Variants in PECR observed in about 807,000 individuals in gnomAD.
PECR encodes the protein 2,4-dienoyl-CoA reductase-related protein.
A neutral mutation model predicts 35.3 loss-of-function variants in PECR; 30 were observed. The observed-to-expected ratio is 0.85, with a 90% CI of 0.64 to 1.15. The LOEUF is 1.15. PECR is among the 50% of genes most tolerant of loss of function. The probability of loss-of-function intolerance (pLI) is 0.00; values close to 1 mark genes in which losing one functional copy is unlikely to be tolerated. For missense variants in PECR, 392 were observed against 370.8 expected, an observed-to-expected ratio of 1.06 and a Z score of -0.47; for synonymous variants, 148 against 138.9, an observed-to-expected ratio of 1.07 and a Z score of -0.46.
intron 7 of PECR, among the ~76,000 whole-genome samples, chr2:216,040,136 G>C (rs1440785843): frequency 6.6e-6 from 1 of 151,996 alleles, no homozygotes; most frequent in Non-Finnish European, 1.5e-5. Context: ...ACTTGTCCTT[G>C]ATGAGATCAG....
intron 1 of PECR, among the ~76,000 whole-genome samples, chr2:216,067,950 C>T (rs1559217082): frequency 6.6e-6 from 1 of 151,928 alleles, no homozygotes; most frequent in Non-Finnish European, 1.5e-5. Flanking sequence ...AGACCCAGGC[C>T]GGACGCAGTG....
In PECR at chr2:216,071,687, A is replaced by G. The variant is rs752135150; in HGVS notation, c.125-5169T>C. Reference sequence around the variant, plus strand: ...CCACTACTGGAATTTCCTCTTCACAATCAAAATCAACAACTCCTGGGGCTA... The same window carrying G: ...CCACTACTGGAATTTCCTCTTCACAGTCAAAATCAACAACTCCTGGGGCTA... On this transcript the variant is annotated intron_variant, in intron 1 of 7. Coordinates refer to ENST00000265322, the MANE Select transcript of PECR (RefSeq NM_018441.6). Among the ~76,000 whole-genome samples, 58 of 152,322 alleles carry G rather than the reference A, an allele frequency of 3.8e-4. 1 individual carries two copies. Among genetic ancestry groups the G allele is most frequent in the Non-Finnish European group, 7.5e-4 (51 of 68,026 alleles).
chr2:216,062,096 A>G (rs1695367021), intron 3 of PECR, among the ~76,000 whole-genome samples: 1 of 146,772 alleles, frequency 6.8e-6, no homozygotes, highest in South Asian at 2.2e-4. Flanking sequence ...TCTGTCACCC[A>G]GCCTGGAGGC....
At position 216,059,089 on chromosome 2, in the gene PECR, C is replaced by T. The variant is rs115724346; in HGVS notation, c.425-113G>A. ...ATGTTTTACACGTCCATTTACATTTCCTTATAAAAAGCCTGACTGAGGTAA... is the reference window on the plus strand; with the variant it reads ...ATGTTTTACACGTCCATTTACATTTTCTTATAAAAAGCCTGACTGAGGTAA... On this transcript the variant is annotated intron_variant, in intron 3 of 7. Transcript: ENST00000265322. 5.5e-5 allele frequency: 40 copies of T among 731,860 alleles called. No individual in the cohort carries two copies. In the African/African-American group the frequency reaches 6.5e-4, roughly 12 times the overall value. 45.3% of individuals were successfully genotyped at this position (731,860 alleles called of 1,614,324 possible). A position where few individuals can be genotyped will look rare whatever the true frequency, so the allele number is the denominator to read the frequency against.
At chr2:216,049,127 C>A in intron 6 of PECR, 136 bp downstream of exon 6, 2 of 730,482 alleles carry the variant, frequency 2.7e-6, no homozygotes, top group Non-Finnish European at 2.6e-6. Context: ...TCCCTGACAG[C>A]CAGAAAGAAC....
rs187234107 is a variant in PECR, at chr2:216,048,326, C to T, written c.714+937G>A. Among the ~76,000 whole-genome samples the T allele has an allele frequency of 4.5e-3, 679 of 150,354 alleles. 5 individuals carry two copies. The highest frequency in any genetic ancestry group is 0.023 in the Admixed American group (340 of 15,032). ...TTCTGAACTCGTGATCCGCCTGCCT[C>T]GGCCTCCCAAAGTGCTGGGATTACA... On this transcript the variant is annotated intron_variant, in intron 6 of 7. Transcript: ENST00000265322.
At chr2:216,062,036 T>C (rs1695365568) in intron 3 of PECR, among the ~76,000 whole-genome samples, 2 of 151,540 alleles carry the variant, frequency 1.3e-5, no homozygotes, top group African/African-American at 4.8e-5. Flanking sequence ...TAAATGGGAA[T>C]GTTAGTGCGT....
intron 1 of PECR, among the ~76,000 whole-genome samples, chr2:216,077,742 G>A (rs558337120): frequency 3.3e-4 from 50 of 151,070 alleles, no homozygotes; most frequent in Non-Finnish European, 5.0e-4. Flanking sequence ...GGGAGGCAGA[G>A]GTTGCAGTGA....
chr2:216,049,955 T>C (rs939065657), intron 5 of PECR, among the ~76,000 whole-genome samples: 2 of 152,160 alleles, frequency 1.3e-5, no homozygotes, highest in South Asian at 2.1e-4. Flanking sequence ...CAGTGGCTCA[T>C]GCCTGTAATC....
chr2:216,051,302 A>C (rs1357093305), intron 5 of PECR, 147 bp downstream of exon 5: 1 of 564,242 alleles, frequency 1.8e-6, no homozygotes, highest in Admixed American at 3.3e-5. Context: ...AAAAAAAAAA[A>C]AGAAAATTAG....
intron 1 of PECR, among the ~76,000 whole-genome samples, chr2:216,078,460 G>C (rs375835879): frequency 6.6e-6 from 1 of 151,854 alleles, no homozygotes; most frequent in African/African-American, 2.4e-5. Context: ...GTAAAACCCC[G>C]TCTCTATTAA....
chr2:216,043,165 T>C (rs961682770), intron 7 of PECR, among the ~76,000 whole-genome samples: 1 of 151,062 alleles, frequency 6.6e-6, no homozygotes, highest in African/African-American at 2.4e-5. Flanking sequence ...TAGAGTGCAG[T>C]GGCACAATCT....
At chr2:216,046,310 A>ATATATATT (rs1553560626) in intron 6 of PECR, among the ~76,000 whole-genome samples, 3 of 96,954 alleles carry the variant, frequency 3.1e-5, no homozygotes, top group Admixed American at 1.2e-4. Context: ...ATATATATAT[A>ATATATATT]TTTTTTTTTT....
chr2:216,052,203 G>A (rs1695129270), intron 4 of PECR, among the ~76,000 whole-genome samples: 1 of 152,000 alleles, frequency 6.6e-6, no homozygotes, highest in Admixed American at 6.6e-5. Flanking sequence ...AATGAAGTAT[G>A]GGGTCTTGTG....
chr2:216,062,462 A>G (rs1452996109), intron 3 of PECR, among the ~76,000 whole-genome samples: 10 of 152,238 alleles, frequency 6.6e-5, no homozygotes, highest in Admixed American at 6.5e-5. Context: ...CTGTATCAGT[A>G]AAATGAACAA....
chr2:216,060,847 A>G (rs1695324847), intron 3 of PECR, among the ~76,000 whole-genome samples: 1 of 151,536 alleles, frequency 6.6e-6, no homozygotes, highest in Admixed American at 6.6e-5. Context: ...ATAAAAATAA[A>G]TTCCATTCAT....
At chr2:216,075,023 T>C (rs1695668730) in intron 1 of PECR, among the ~76,000 whole-genome samples, 1 of 152,208 alleles carries the variant, frequency 6.6e-6, no homozygotes, top group Admixed American at 6.5e-5. Context: ...GACTCATGCT[T>C]GTAATCCCAG....
intron 5 of PECR, among the ~76,000 whole-genome samples, chr2:216,050,640 C>G (rs181663159): frequency 4.1e-4 from 63 of 152,274 alleles, no homozygotes; most frequent in African/African-American, 1.4e-3. Context: ...CAGTGGCTCA[C>G]GCCTGTAATC....
At chr2:216,066,841 C>T (rs567158800) in intron 1 of PECR, among the ~76,000 whole-genome samples, 27 of 152,168 alleles carry the variant, frequency 1.8e-4, no homozygotes, top group Non-Finnish European at 3.1e-4. Flanking sequence ...GCACAAGTCA[C>T]TGCACCTGGC....
Sources: gnomAD v4.1 joint callset for allele counts (sites outside exome capture counted in the v4.1 genomes callset) on GRCh38, gnomAD v4.1.1 for gene constraint, MANE v1.5 for transcripts, NCBI Gene and HGNC (gene_info 2026-07-23, HGNC 2026-07-21) for gene names.